The following DYM variants were observed in gnomAD, a reference collection of about 807,000 sequenced individuals.
DYM encodes the protein dyggve-Melchior-Clausen syndrome protein.
A neutral mutation model predicts 93.1 loss-of-function variants in DYM; 78 were observed. The ratio of observed to expected loss-of-function variants is 0.84; its 90% CI spans 0.70 to 1.01. The LOEUF is 1.01. Among genes scored for constraint, DYM ranks in the 50% least tolerant of loss-of-function variants. The probability of loss-of-function intolerance (pLI) is 0.00; values close to 1 mark genes in which losing one functional copy is unlikely to be tolerated. For synonymous variants in DYM, 321 were observed against 319.7 expected (o/e 1.00, Z -0.04); for missense variants, 789 against 845.0 (o/e 0.93, Z 0.82).
chr18:49,354,889 C>T (rs2065410322), intron 6 of DYM, among the ~76,000 whole-genome samples: 1 of 152,094 alleles, frequency 6.6e-6, no homozygotes, highest in Non-Finnish European at 1.5e-5. Flanking sequence ...CAAAATTAAA[C>T]ATACTTTAAC....
chr18:49,047,410 C>T (rs996724413), intron 17 of DYM, among the ~76,000 whole-genome samples: 8 of 152,238 alleles, frequency 5.3e-5, no homozygotes, highest in African/African-American at 1.2e-4. Context: ...TAGCTGGGCT[C>T]TTTGGCCCAG....
At chr18:49,327,492 G>T (rs1163775931) in intron 8 of DYM, among the ~76,000 whole-genome samples, 1 of 151,976 alleles carries the variant, frequency 6.6e-6, no homozygotes, top group Non-Finnish European at 1.5e-5. Flanking sequence ...AAGTAGCGGG[G>T]TCTGCAGGCG....
At chr18:49,105,916 A>T (rs972066135) in intron 16 of DYM, among the ~76,000 whole-genome samples, 16 of 152,288 alleles carry the variant, frequency 1.1e-4, no homozygotes, top group East Asian at 3.9e-4. Flanking sequence ...TGTAGATGTC[A>T]ATTAGGTCTG....
chr18:49,306,637 C>CAT (rs2061293604), intron 8 of DYM, among the ~76,000 whole-genome samples: 2 of 152,136 alleles, frequency 1.3e-5, no homozygotes, highest in African/African-American at 4.8e-5. Flanking sequence ...TTCAAATGTG[C>CAT]ATATATTTAT....
At chr18:49,252,251 T>C (rs2094307149) in intron 13 of DYM, among the ~76,000 whole-genome samples, 2 of 31,204 alleles carry the variant, frequency 6.4e-5, no homozygotes, top group Non-Finnish European at 1.4e-4. Context: ...AAGAACTGCC[T>C]GAGACTGGGT....
chr18:49,060,169 T>G (rs2075834219), intron 17 of DYM, among the ~76,000 whole-genome samples: 1 of 152,174 alleles, frequency 6.6e-6, no homozygotes, highest in Non-Finnish European at 1.5e-5. Flanking sequence ...CAGTTCTGAT[T>G]TGTATGGACT....
chr18:49,397,716 GTGTAATTGCTGACCACC>G (rs1385093942), intron 2 of DYM, among the ~76,000 whole-genome samples: 1 of 152,186 alleles, frequency 6.6e-6, no homozygotes, highest in African/African-American at 2.4e-5. Context: ...TTCTAGCCAT[GTGTAATTGCTGACCACC>G]TGAAATGGTC....
rs145261738 is a variant in DYM, at chr18:49,063,069, C to T, written c.2026-18865G>A. 1.4e-3 allele frequency among the ~76,000 whole-genome samples: 208 copies of T among 152,312 alleles called. 1 individual carries two copies. The highest frequency in any genetic ancestry group is 4.7e-3 in the African/African-American group (194 of 41,586). On this transcript the variant is annotated intron_variant, in intron 17 of 17. Coordinates refer to ENST00000675505, the MANE Select transcript of DYM (RefSeq NM_001353214.3). ...AAAATCTACAGGAAATGGAACCCTA[C>T]TAATTGGAACTTTCACTAAAGCACA...
At chr18:49,224,314 T>C (rs940675535) in intron 13 of DYM, among the ~76,000 whole-genome samples, 5 of 152,044 alleles carry the variant, frequency 3.3e-5, no homozygotes, top group African/African-American at 9.7e-5. Flanking sequence ...AAGATGACAT[T>C]AGTCATCTGA....
chr18:49,415,753 C>T (rs1228015488), intron 2 of DYM, among the ~76,000 whole-genome samples: 2 of 151,668 alleles, frequency 1.3e-5, no homozygotes, highest in African/African-American at 4.8e-5. Flanking sequence ...CATGGTGAAA[C>T]CCTGTCTCTA....
chr18:49,194,995 A>G (rs1247913385), intron 14 of DYM, among the ~76,000 whole-genome samples: 1 of 152,060 alleles, frequency 6.6e-6, no homozygotes, highest in Non-Finnish European at 1.5e-5. Context: ...GGACTACTCT[A>G]TTTTCAAATT....
At chr18:49,296,831 T>C (rs1405339266) in intron 8 of DYM, among the ~76,000 whole-genome samples, 7 of 152,204 alleles carry the variant, frequency 4.6e-5, no homozygotes, top group African/African-American at 4.8e-5. Flanking sequence ...TCTTCTCTCA[T>C]AGCACACTGG....
chr18:49,139,214 T>C (rs527932212), intron 15 of DYM, among the ~76,000 whole-genome samples: 1 of 152,294 alleles, frequency 6.6e-6, no homozygotes, highest in South Asian at 2.1e-4. Flanking sequence ...TCAAGATTAC[T>C]AGACTTAAAA....
intron 15 of DYM, 51 bp downstream of exon 15, chr18:49,163,634 G>A: frequency 1.6e-6 from 2 of 1,243,542 alleles, no homozygotes; most frequent in Non-Finnish European, 2.3e-6. Context: ...AGGAGTTACT[G>A]TGCCTGGCTG....
At chr18:49,085,350 G>T (rs910010423) in intron 17 of DYM, among the ~76,000 whole-genome samples, 12 of 152,244 alleles carry the variant, frequency 7.9e-5, no homozygotes, top group African/African-American at 2.6e-4. Flanking sequence ...CTATTTGAAA[G>T]AACATGCTTT....
At position 49,311,584 on chromosome 18, in the gene DYM, C is replaced by T. The variant is rs554418457; in HGVS notation, c.763+20280G>A. Among the ~76,000 whole-genome samples, 12 of 152,132 alleles carry T rather than the reference C, an allele frequency of 7.9e-5. No homozygotes were observed. The East Asian group carries it at 1.5e-3, about 20-fold the overall frequency. On this transcript the variant is annotated intron_variant, in intron 8 of 17. Coordinates refer to ENST00000675505, the MANE Select transcript of DYM (RefSeq NM_001353214.3). ...GAGTTCATGTCCTTTGTAGGGACAT[C>T]GATGAAGCTGGAAACCATCATTCTG...
chr18:49,093,928 G>A (rs746975366), intron 17 of DYM, among the ~76,000 whole-genome samples: 1 of 152,130 alleles, frequency 6.6e-6, no homozygotes, highest in South Asian at 2.1e-4. Context: ...CTAAAAAGTG[G>A]ATATAAAATA....
At chr18:49,316,019 C>T (rs540669025) in intron 8 of DYM, among the ~76,000 whole-genome samples, 267 of 152,298 alleles carry the variant, frequency 1.8e-3, no homozygotes, top group African/African-American at 6.0e-3. Flanking sequence ...CAGTGGCTCA[C>T]GCCTGTAATC....
chr18:49,321,181 C>T (rs937831448), intron 8 of DYM: 2 of 389,358 alleles, frequency 5.1e-6, no homozygotes, highest in Admixed American at 4.4e-5. Flanking sequence ...TTAAATTCTA[C>T]AATTTACAAC....
Sources: allele counts gnomAD v4.1 joint callset (sites outside exome capture counted in the v4.1 genomes callset), GRCh38; gene constraint gnomAD v4.1.1; transcripts MANE v1.5; gene names NCBI Gene and HGNC (gene_info 2026-07-23, HGNC 2026-07-21).